ARNT2: variants seen among roughly 807,000 people sequenced by gnomAD.
The protein encoded by ARNT2 is aryl hydrocarbon receptor nuclear translocator 2.
In ARNT2, 36 loss-of-function variants were observed where a neutral mutation model predicts 91.7. The observed-to-expected ratio is 0.39, with a 90% CI of 0.30 to 0.52. The LOEUF (loss-of-function observed/expected upper bound fraction) is 0.52, where lower values mean the gene tolerates loss of function less well. Ranked by LOEUF, ARNT2 falls within the 20% of genes least tolerant of loss-of-function variation. ARNT2 has a pLI of 0.72. For synonymous variants in ARNT2, 365 were observed against 347.1 expected (o/e 1.05, Z -0.57); for missense variants, 775 against 939.3 (o/e 0.83, Z 2.29).
Position 80,552,806 on chromosome 15 carries a change from G to A in ARNT2, c.1089+32G>A, listed in dbSNP as rs1272167070. ...AGATAGTTTTGAGCCTATGGCAATT[G>A]ACTAGAGATTTAATTGTTTTTAAAA... On this transcript the variant is annotated intron_variant, in intron 10 of 18. Transcript: ENST00000303329. The A allele has an allele frequency of 1.9e-6, 3 of 1,603,100 alleles. No individual in the cohort carries two copies. The South Asian group carries it at 3.3e-5, about 18-fold the overall frequency.
chr15:80,432,207 T>C (rs1449915184), intron 1 of ARNT2, among the ~76,000 whole-genome samples: 1 of 152,202 alleles, frequency 6.6e-6, no homozygotes, highest in African/African-American at 2.4e-5. Context: ...GCCCTTCACC[T>C]GCGTCTCTGG....
At position 80,551,237 on chromosome 15, in the gene ARNT2, G is replaced by A. The variant is rs150765047; in HGVS notation, c.916G>A (p.Gly306Ser). Residue 306 changes from glycine to serine, a missense_variant, in exon 9 of 19, where the codon GGC (glycine) becomes AGC (serine). Gly to Ser is a moderately conservative substitution (Grantham distance 56, BLOSUM62 0). Around this residue, in one of 5 missense-constraint regions of ARNT2, gnomAD observed 285 missense variants for 327.2 expected, o/e 0.87. Coordinates refer to ENST00000303329, the MANE Select transcript of ARNT2 (RefSeq NM_014862.4). ...TGAAGAAGACGCTGATGTGGGACAA[G>A]GCAGTAAATATTGCCTCGTGGCAAT... is the stretch of plus-strand genomic sequence containing the variant. ...IPEEDADVGQ[G>S]SKYCLVAIGR... 3.2e-4 allele frequency: 523 copies of A among 1,614,042 alleles called. 1 individual carries two copies. The African/African-American group carries it at 6.5e-3, about 20-fold the overall frequency.
At chr15:80,505,927 G>GTTTTTTTTTTTTTTTTTTTTTTTTTTTT (rs1161520898) in intron 5 of ARNT2, among the ~76,000 whole-genome samples, 1 of 88,930 alleles carries the variant, frequency 1.1e-5, no homozygotes, top group African/African-American at 4.3e-5. Flanking sequence ...AACATTTGTT[G>GTTTTTTTTTTTTTTTTTTTTTTTTTTTT]TTTTTTTTTT....
intron 2 of ARNT2, among the ~76,000 whole-genome samples, chr15:80,455,449 G>T (rs976310663): frequency 1.3e-5 from 2 of 152,026 alleles, no homozygotes; most frequent in African/African-American, 2.4e-5. Context: ...CTGGAGCAAG[G>T]CCATCTCTTT....
intron 5 of ARNT2, among the ~76,000 whole-genome samples, chr15:80,486,507 T>C (rs1896976332): frequency 6.6e-6 from 1 of 152,202 alleles, no homozygotes; most frequent in Non-Finnish European, 1.5e-5. Flanking sequence ...GCCTCGTTGG[T>C]GCCTCTTCTC....
rs186865150 is a variant in ARNT2 at position 80,525,481 on chromosome 15, G to A, written c.877+11076G>A. Among the ~76,000 whole-genome samples the A allele has an allele frequency of 3.3e-5, 5 of 152,092 alleles. No individual in the cohort carries two copies. The East Asian group carries it at 9.7e-4, about 29-fold the overall frequency. ...TCATTCTAGTGCGTAGCTCAGACCT[G>A]ACAGATAGTATGTATTTCATGAAGA... On this transcript the variant is annotated intron_variant, in intron 8 of 18. Transcript: ENST00000303329.
intron 3 of ARNT2, among the ~76,000 whole-genome samples, chr15:80,464,241 C>A (rs907447088): frequency 1.3e-5 from 2 of 151,764 alleles, no homozygotes; most frequent in Non-Finnish European, 2.9e-5. Context: ...GGCCTGTTCC[C>A]AGTCCTGGTA....
intron 5 of ARNT2, among the ~76,000 whole-genome samples, chr15:80,506,510 C>A (rs564772187): frequency 6.6e-6 from 1 of 152,272 alleles, no homozygotes; most frequent in Non-Finnish European, 1.5e-5. Context: ...TGGTAGATAT[C>A]AAGGGTGTCA....
intron 1 of ARNT2, among the ~76,000 whole-genome samples, chr15:80,422,764 ATAAT>A (rs34540451): frequency 0.46 from 70,039 of 151,676 alleles, 16,821 homozygotes; most frequent in East Asian, 0.55. Context: ...TTCTAGAGTA[ATAAT>A]TAAGGCATAT....
chr15:80,488,838 G>A (rs536475610), intron 5 of ARNT2: 50 of 152,186 alleles, frequency 3.3e-4, no homozygotes, highest in African/African-American at 1.1e-3. Context: ...CAACACAACT[G>A]AAAAATGTGC....
At chr15:80,478,127 G>A (rs1381046964) in intron 5 of ARNT2, among the ~76,000 whole-genome samples, 12 of 152,204 alleles carry the variant, frequency 7.9e-5, no homozygotes, top group Non-Finnish European at 1.8e-4. Flanking sequence ...AAATATTTGG[G>A]AGGAATGTAA....
intron 5 of ARNT2, among the ~76,000 whole-genome samples, chr15:80,479,610 C>T (rs1896856376): frequency 6.6e-6 from 1 of 152,196 alleles, no homozygotes; most frequent in African/African-American, 2.4e-5. Flanking sequence ...AAGGCTCCTT[C>T]CAGCTCTGAT....
intron 3 of ARNT2, among the ~76,000 whole-genome samples, chr15:80,463,575 CTTTTTTTT>C (rs11358638): frequency 8.8e-6 from 1 of 113,190 alleles, no homozygotes; most frequent in African/African-American, 3.7e-5. Context: ...GGGTGATTTC[CTTTTTTTT>C]TTTTTTTTTT....
intron 4 of ARNT2, among the ~76,000 whole-genome samples, chr15:80,471,704 CTG>C (rs1896733745): frequency 6.6e-6 from 1 of 152,084 alleles, no homozygotes; most frequent in African/African-American, 2.4e-5. Flanking sequence ...TTATTTAGCT[CTG>C]TTTTATTGAT....
chr15:80,553,712 A>T (rs1898124994), intron 10 of ARNT2, among the ~76,000 whole-genome samples: 1 of 152,098 alleles, frequency 6.6e-6, no homozygotes, highest in Middle Eastern at 3.2e-3. Flanking sequence ...TGTAGATTTA[A>T]ATTTATTTAA....
At position 80,499,670 on chromosome 15, in the gene ARNT2, C is replaced by T. The variant is rs887150847; in HGVS notation, c.623-8486C>T. ...TTTGCCTATGGAGGACTCTGATTGG[C>T]CTGGTTGGATTCTATCCTAGTCTTG... On this transcript the variant is annotated intron_variant, in intron 5 of 18. Coordinates refer to ENST00000303329, the MANE Select transcript of ARNT2 (RefSeq NM_014862.4). Among the ~76,000 whole-genome samples, 14 of 152,272 alleles carry T rather than the reference C, an allele frequency of 9.2e-5. 2 individuals carry two copies. Among genetic ancestry groups the T allele is most frequent in the Admixed American group, 2.0e-4 (3 of 15,308 alleles).
chr15:80,536,746 G>A (rs948042933), intron 8 of ARNT2, among the ~76,000 whole-genome samples: 1 of 152,168 alleles, frequency 6.6e-6, no homozygotes, highest in African/African-American at 2.4e-5. Flanking sequence ...CTGTGAGTCA[G>A]GAACCAGCTG....
chr15:80,575,174 A>G (rs1898651997), intron 14 of ARNT2, 64 bp downstream of exon 14: 6 of 1,590,598 alleles, frequency 3.8e-6, no homozygotes, highest in East Asian at 2.3e-5. Context: ...CAGGCCATCT[A>G]CAGACAGCTA....
At chr15:80,436,396 A>C (rs548238962) in intron 1 of ARNT2, 1 of 154,608 alleles carries the variant, frequency 6.5e-6, no homozygotes, top group Admixed American at 6.5e-5. Flanking sequence ...ACCTGGGGAA[A>C]CAGAAACACA....
Sources: allele counts gnomAD v4.1 joint callset (sites outside exome capture counted in the v4.1 genomes callset), GRCh38; gene constraint gnomAD v4.1.1; regional missense constraint gnomAD v4.1.1; transcripts MANE v1.5; gene names NCBI Gene and HGNC (gene_info 2026-07-23, HGNC 2026-07-21).